GABRB2: variants seen among roughly 807,000 people sequenced by gnomAD.
GABRB2 encodes gamma-aminobutyric acid receptor subunit beta-2.
In GABRB2, 16 loss-of-function variants were observed where a neutral mutation model predicts 54.7. The ratio of observed to expected loss-of-function variants is 0.29; its 90% confidence interval spans 0.20 to 0.44. GABRB2 has a LOEUF of 0.44. Ranked by LOEUF, GABRB2 falls within the 20% of genes least tolerant of loss-of-function variation. GABRB2 has a pLI of 1.00. For synonymous variants in GABRB2, 244 were observed against 233.8 expected (o/e 1.04, Z -0.40); for missense variants, 355 against 644.0 (o/e 0.55, Z 4.86).
intron 9 of GABRB2, among the ~76,000 whole-genome samples, chr5:161,298,545 C>T (rs575569016): frequency 2.4e-4 from 37 of 152,270 alleles, no homozygotes; most frequent in African/African-American, 8.2e-4. Context: ...ACTCACTTCA[C>T]CTCTTTGTGA....
chr5:161,431,540 A>G (rs1246868335), intron 4 of GABRB2, among the ~76,000 whole-genome samples: 1 of 152,228 alleles, frequency 6.6e-6, no homozygotes, highest in Admixed American at 6.5e-5. Flanking sequence ...GCTCTGCCAA[A>G]CAGTAGCCTC....
intron 3 of GABRB2, among the ~76,000 whole-genome samples, chr5:161,472,955 G>A (rs1758489336): frequency 6.6e-6 from 1 of 152,058 alleles, no homozygotes; most frequent in South Asian, 2.1e-4. Context: ...CATGGACATA[G>A]TAGAGAATAT....
At chr5:161,528,152 T>A (rs192952701) in intron 3 of GABRB2, among the ~76,000 whole-genome samples, 1 of 151,858 alleles carries the variant, frequency 6.6e-6, no homozygotes, top group African/African-American at 2.4e-5. Context: ...CATCAAGAGA[T>A]GTTCACAAAA....
intron 3 of GABRB2, among the ~76,000 whole-genome samples, chr5:161,473,833 C>T (rs1758515701): frequency 6.6e-6 from 1 of 151,936 alleles, no homozygotes; most frequent in Non-Finnish European, 1.5e-5. Context: ...GTAAAATTTG[C>T]TGTCTCCATT....
intron 5 of GABRB2, among the ~76,000 whole-genome samples, chr5:161,352,127 G>C (rs2113436530): frequency 6.6e-6 from 1 of 151,988 alleles, no homozygotes; most frequent in Middle Eastern, 3.4e-3. Context: ...ATAGCCTATG[G>C]CAAACAGTAT....
intron 5 of GABRB2, among the ~76,000 whole-genome samples, chr5:161,367,498 G>A (rs183451901): frequency 0.011 from 1,647 of 145,360 alleles, 36 homozygotes; most frequent in African/African-American, 0.042. Context: ...CTGAGTTAAC[G>A]TATTTTTTTT....
At chr5:161,392,408 A>G (rs2113042398) in intron 5 of GABRB2, among the ~76,000 whole-genome samples, 1 of 152,316 alleles carries the variant, frequency 6.6e-6, no homozygotes, top group African/African-American at 2.4e-5. Flanking sequence ...TAACGCCTCC[A>G]TTCTTTGAAA....
intron 1 of GABRB2, 59 bp downstream of exon 1, chr5:161,546,508 G>C: frequency 6.4e-7 from 1 of 1,566,204 alleles, no homozygotes; most frequent in Non-Finnish European, 8.8e-7. Flanking sequence ...GCTCACAGAG[G>C]TATGCAGACA....
intron 9 of GABRB2, among the ~76,000 whole-genome samples, chr5:161,307,692 A>T (rs975434459): frequency 6.6e-6 from 1 of 152,002 alleles, no homozygotes; most frequent in East Asian, 1.9e-4. Flanking sequence ...GTGAGATAAG[A>T]TAGTTATGGA....
intron 4 of GABRB2, among the ~76,000 whole-genome samples, chr5:161,450,466 T>C (rs1184085642): frequency 6.6e-6 from 1 of 152,200 alleles, no homozygotes. Context: ...TCTCCATTTC[T>C]AAGGCTGAAG....
intron 3 of GABRB2, among the ~76,000 whole-genome samples, chr5:161,503,418 G>A (rs2113383803): frequency 6.6e-6 from 1 of 152,234 alleles, no homozygotes; most frequent in Non-Finnish European, 1.5e-5. Context: ...AATAAGGTTG[G>A]TTTAAACTTC....
chr5:161,432,334 T>C (rs990003264), intron 4 of GABRB2, among the ~76,000 whole-genome samples: 4 of 152,318 alleles, frequency 2.6e-5, no homozygotes, highest in South Asian at 2.1e-4. Flanking sequence ...TTTTATCATA[T>C]CAACATATAA....
intron 9 of GABRB2, among the ~76,000 whole-genome samples, chr5:161,322,743 A>G (rs1758247959): frequency 6.6e-6 from 1 of 152,184 alleles, no homozygotes; most frequent in African/African-American, 2.4e-5. Flanking sequence ...ATGATTTACT[A>G]CAGCCTGAAC....
intron 3 of GABRB2, among the ~76,000 whole-genome samples, chr5:161,473,758 CCA>C (rs1217953402): frequency 1.3e-5 from 2 of 151,896 alleles, no homozygotes; most frequent in Non-Finnish European, 2.9e-5. Context: ...AACAAGCTCT[CCA>C]GCCATGTTAA....
At chr5:161,354,607 T>C (rs1447680098) in intron 5 of GABRB2, among the ~76,000 whole-genome samples, 1 of 152,024 alleles carries the variant, frequency 6.6e-6, no homozygotes, top group Non-Finnish European at 1.5e-5. Flanking sequence ...GTTTGCCTAC[T>C]TCCACTTTTA....
intron 3 of GABRB2, among the ~76,000 whole-genome samples, chr5:161,486,952 AG>A (rs1203237964): frequency 6.6e-6 from 1 of 151,892 alleles, no homozygotes; most frequent in African/African-American, 2.4e-5. Context: ...ATCTAACAGG[AG>A]AAAGGCTGAA....
chr5:161,299,721 A>G (rs558003306), intron 9 of GABRB2, among the ~76,000 whole-genome samples: 24 of 151,146 alleles, frequency 1.6e-4, no homozygotes, highest in Non-Finnish European at 3.5e-4. Flanking sequence ...AGCCAGTATT[A>G]CTTTGTTTTT....
intron 3 of GABRB2, among the ~76,000 whole-genome samples, chr5:161,510,012 G>A (rs1390505309): frequency 1.3e-5 from 2 of 151,690 alleles, no homozygotes; most frequent in Admixed American, 6.6e-5. Context: ...TACATAGTAG[G>A]TGTGTACATT....
chr5:161,366,589 A>G (rs956496562), intron 5 of GABRB2, among the ~76,000 whole-genome samples: 1 of 152,184 alleles, frequency 6.6e-6, no homozygotes, highest in Non-Finnish European at 1.5e-5. Context: ...TAAGTGCTCA[A>G]TTAACTGTTA....
Sources: allele counts gnomAD v4.1 joint callset (sites outside exome capture counted in the v4.1 genomes callset), GRCh38; gene constraint gnomAD v4.1.1; transcripts MANE v1.5; gene names NCBI Gene and HGNC (gene_info 2026-07-23, HGNC 2026-07-21).